Variants in DNAJC1 observed in about 807,000 individuals in gnomAD.
DNAJC1 encodes dnaJ homolog subfamily C member 1.
DNAJC1 carries 58 observed loss-of-function variants against 76.6 expected under a neutral mutation model. That is an observed-to-expected ratio of 0.76 (90% confidence interval 0.61 to 0.94). The LOEUF is 0.94. Ranked by LOEUF, DNAJC1 falls within the 40% of genes least tolerant of loss-of-function variation. DNAJC1 has a pLI of 0.00. For synonymous variants in DNAJC1, 258 were observed against 267.9 expected (o/e 0.96, Z 0.36); for missense variants, 689 against 677.3 (o/e 1.02, Z -0.19).
intron 8 of DNAJC1, among the ~76,000 whole-genome samples, chr10:21,843,746 T>A (rs2131681523): frequency 6.6e-6 from 1 of 151,884 alleles, no homozygotes; most frequent in South Asian, 2.1e-4. Context: ...TACAATCTTT[T>A]TTTTTTTTTT....
At chr10:21,815,783 T>C (rs1025819393) in intron 8 of DNAJC1, among the ~76,000 whole-genome samples, 2 of 151,800 alleles carry the variant, frequency 1.3e-5, no homozygotes, top group African/African-American at 4.8e-5. Flanking sequence ...TTTCCCTCTG[T>C]TGCACAGGCT....
intron 9 of DNAJC1, among the ~76,000 whole-genome samples, chr10:21,779,051 G>A (rs1267184475): frequency 1.3e-5 from 2 of 152,232 alleles, no homozygotes; most frequent in African/African-American, 4.8e-5. Context: ...CTGGGGGAGG[G>A]GCGCCTGCCA....
intron 9 of DNAJC1, among the ~76,000 whole-genome samples, chr10:21,777,960 G>T (rs976979869): frequency 1.3e-5 from 2 of 152,214 alleles, no homozygotes; most frequent in Non-Finnish European, 2.9e-5. Context: ...GTCCAAGGCG[G>T]GTGGATCACC....
chr10:21,863,156 A>AC (rs2131700652), intron 8 of DNAJC1, among the ~76,000 whole-genome samples: 1 of 152,146 alleles, frequency 6.6e-6, no homozygotes, highest in Admixed American at 6.5e-5. Flanking sequence ...AAACAAACAA[A>AC]AAACCCAGAC....
At chr10:21,952,706 C>G (rs999305989) in intron 1 of DNAJC1, among the ~76,000 whole-genome samples, 1 of 152,084 alleles carries the variant, frequency 6.6e-6, no homozygotes, top group Admixed American at 6.5e-5. Flanking sequence ...TTGCAGTGAG[C>G]TGAGATTGCG....
At chr10:21,825,020 A>G (rs1285445027) in intron 8 of DNAJC1, among the ~76,000 whole-genome samples, 1 of 152,038 alleles carries the variant, frequency 6.6e-6, no homozygotes, top group Admixed American at 6.6e-5. Flanking sequence ...AGGTGGATCC[A>G]CCTGCCTTGG....
intron 1 of DNAJC1, among the ~76,000 whole-genome samples, chr10:21,966,771 C>T (rs1478113049): frequency 2.6e-5 from 4 of 151,100 alleles, no homozygotes; most frequent in Non-Finnish European, 5.9e-5. Flanking sequence ...CTGCAACTTC[C>T]GCCTCCTGGA....
intron 7 of DNAJC1, among the ~76,000 whole-genome samples, chr10:21,894,357 G>T (rs1836505885): frequency 6.6e-6 from 1 of 152,164 alleles, no homozygotes; most frequent in African/African-American, 2.4e-5. Context: ...GATCACTTCA[G>T]GTCACGAGTT....
At chr10:21,780,884 T>C (rs1020312340) in intron 9 of DNAJC1, among the ~76,000 whole-genome samples, 2 of 151,742 alleles carry the variant, frequency 1.3e-5, no homozygotes, top group Non-Finnish European at 2.9e-5. Flanking sequence ...AGGCTCAAAA[T>C]AAAGAGATGG....
chr10:21,791,404 T>C (rs1477819664), intron 9 of DNAJC1, among the ~76,000 whole-genome samples: 2 of 152,140 alleles, frequency 1.3e-5, no homozygotes, highest in African/African-American at 4.8e-5. Flanking sequence ...CTAACAGACA[T>C]TTACAGAACA....
intron 8 of DNAJC1, among the ~76,000 whole-genome samples, chr10:21,837,480 G>A (rs1394989484): frequency 2.2e-4 from 33 of 151,176 alleles, no homozygotes; most frequent in African/African-American, 6.8e-4. Context: ...GTCTCTGCCC[G>A]GCCGCCCATC....
intron 8 of DNAJC1, among the ~76,000 whole-genome samples, chr10:21,835,007 C>T (rs1180300776): frequency 6.6e-6 from 1 of 152,250 alleles, no homozygotes; most frequent in East Asian, 1.9e-4. Context: ...AGCTTGAGAT[C>T]TGAGAATGGG....
intron 8 of DNAJC1, among the ~76,000 whole-genome samples, chr10:21,811,313 T>C (rs978838015): frequency 1.3e-5 from 2 of 152,256 alleles, no homozygotes; most frequent in Admixed American, 6.5e-5. Flanking sequence ...TTTTGGGTTC[T>C]GGAGGAAACA....
chr10:21,827,903 A>G (rs560217780), intron 8 of DNAJC1, among the ~76,000 whole-genome samples: 2 of 152,328 alleles, frequency 1.3e-5, no homozygotes, highest in Non-Finnish European at 2.9e-5. Flanking sequence ...TGCAATGAAC[A>G]TCTTTTAAAT....
chr10:21,843,228 T>C (rs1206129490), intron 8 of DNAJC1, among the ~76,000 whole-genome samples: 2 of 152,206 alleles, frequency 1.3e-5, no homozygotes, highest in Non-Finnish European at 2.9e-5. Flanking sequence ...CATGTATATA[T>C]TAGTAAAATG....
chr10:21,915,029 C>T (rs960332371), intron 6 of DNAJC1, among the ~76,000 whole-genome samples: 1 of 152,192 alleles, frequency 6.6e-6, no homozygotes, highest in Admixed American at 6.5e-5. Flanking sequence ...CTAGAGAAGG[C>T]ATATTTATCT....
At chr10:21,915,931 C>A (rs1836946883) in intron 6 of DNAJC1, among the ~76,000 whole-genome samples, 1 of 150,752 alleles carries the variant, frequency 6.6e-6, no homozygotes, top group Non-Finnish European at 1.5e-5. Context: ...TCACTTGAGC[C>A]CAGGAGTATG....
intron 8 of DNAJC1, among the ~76,000 whole-genome samples, chr10:21,811,498 T>C (rs186659275): frequency 1.3e-5 from 2 of 152,340 alleles, no homozygotes; most frequent in Admixed American, 1.3e-4. Context: ...AGCAGTCTCC[T>C]ATCAGTGTGA....
intron 9 of DNAJC1, among the ~76,000 whole-genome samples, chr10:21,780,919 A>G (rs967847729): frequency 4.6e-5 from 7 of 152,204 alleles, no homozygotes; most frequent in Non-Finnish European, 7.3e-5. Flanking sequence ...AGCAAATGGA[A>G]AACAAAAAAG....
Sources: gnomAD v4.1 joint callset for allele counts (sites outside exome capture counted in the v4.1 genomes callset) on GRCh38, gnomAD v4.1.1 for gene constraint, MANE v1.5 for transcripts, NCBI Gene and HGNC (gene_info 2026-07-23, HGNC 2026-07-21) for gene names.